MTMR12: variants seen among roughly 807,000 people sequenced by gnomAD.
The protein encoded by MTMR12 is myotubularin-related protein 12.
In MTMR12, 33 loss-of-function variants were observed where a neutral mutation model predicts 96.7. The ratio of observed to expected loss-of-function variants is 0.34; its 90% CI spans 0.26 to 0.46. The LOEUF is 0.46. Among genes scored for constraint, MTMR12 ranks in the 20% least tolerant of loss-of-function variants. MTMR12 has a pLI of 1.00. For synonymous variants in MTMR12, 298 were observed against 327.2 expected (o/e 0.91, Z 0.96); for missense variants, 721 against 896.1 (o/e 0.80, Z 2.49).
intron 8 of MTMR12, among the ~76,000 whole-genome samples, chr5:32,254,901 G>C (rs1476006664): frequency 2.0e-5 from 3 of 152,142 alleles, no homozygotes; most frequent in African/African-American, 7.2e-5. Flanking sequence ...GGCTTCTCCT[G>C]AAAAATCAGG....
intron 13 of MTMR12, among the ~76,000 whole-genome samples, chr5:32,235,541 T>C (rs575670737): frequency 6.6e-6 from 1 of 152,322 alleles, no homozygotes; most frequent in Admixed American, 6.5e-5. Flanking sequence ...ACTTTGAATT[T>C]TGTCAATGAA....
At chr5:32,239,881 C>A (rs1034400185) in intron 12 of MTMR12, among the ~76,000 whole-genome samples, 1 of 152,212 alleles carries the variant, frequency 6.6e-6, no homozygotes, top group Non-Finnish European at 1.5e-5. Context: ...TTCCAAAACT[C>A]ATTTGATGAA....
intron 5 of MTMR12, among the ~76,000 whole-genome samples, chr5:32,269,181 C>T (rs1749729902): frequency 6.6e-6 from 1 of 152,054 alleles, no homozygotes; most frequent in East Asian, 1.9e-4. Flanking sequence ...CCTGCATCAT[C>T]ACGCCTGACT....
At chr5:32,257,014 T>C (rs2112042924) in intron 7 of MTMR12, among the ~76,000 whole-genome samples, 3 of 152,340 alleles carry the variant, frequency 2.0e-5, no homozygotes, top group Admixed American at 2.0e-4. Flanking sequence ...CTGGACGCAG[T>C]GGCTCACACC....
In MTMR12 at chr5:32,264,182, TAGC is replaced by T. The variant is rs532293556; in HGVS notation, c.584-943_584-941del. 1.3e-3 allele frequency among the ~76,000 whole-genome samples: 196 copies of T among 152,326 alleles called. 2 individuals are homozygous for T. The highest frequency in any genetic ancestry group is 4.2e-3 in the African/African-American group (175 of 41,580). On this transcript the variant is annotated intron_variant, in intron 6 of 15. Transcript: ENST00000382142. ...GCCCTGGAGCACCGCTCTTGCAGCC[TAGC>T]AGATGTGTCCTTGGTCTTCTCCCAA...
At chr5:32,281,257 A>AC (rs1750281778) in intron 1 of MTMR12, among the ~76,000 whole-genome samples, 1 of 149,852 alleles carries the variant, frequency 6.7e-6, no homozygotes, top group African/African-American at 2.5e-5. Flanking sequence ...TTAAAAAAAA[A>AC]AAAAAAACAA....
At chr5:32,254,593 A>G (rs1036238782) in intron 8 of MTMR12, among the ~76,000 whole-genome samples, 14 of 152,266 alleles carry the variant, frequency 9.2e-5, no homozygotes, top group African/African-American at 2.9e-4. Flanking sequence ...GGTGGCTCTC[A>G]ACACTTTGGG....
At chr5:32,242,749 A>C (rs1310850531) in intron 11 of MTMR12, among the ~76,000 whole-genome samples, 1 of 151,726 alleles carries the variant, frequency 6.6e-6, no homozygotes, top group African/African-American at 2.4e-5. Context: ...CACCCCACAC[A>C]AAGAAGGGTT....
intron 1 of MTMR12, among the ~76,000 whole-genome samples, chr5:32,306,404 A>G (rs1262398886): frequency 6.6e-6 from 1 of 152,134 alleles, no homozygotes; most frequent in African/African-American, 2.4e-5. Flanking sequence ...ATTCATTTTC[A>G]TTTTGTATAT....
chr5:32,295,987 C>T (rs1179553867), intron 1 of MTMR12, among the ~76,000 whole-genome samples: 2 of 151,878 alleles, frequency 1.3e-5, no homozygotes, highest in Non-Finnish European at 2.9e-5. Flanking sequence ...AACCCCATCT[C>T]TACTAAAAAT....
intron 1 of MTMR12, among the ~76,000 whole-genome samples, chr5:32,307,864 C>T (rs1194358544): frequency 6.6e-6 from 1 of 152,236 alleles, no homozygotes; most frequent in Admixed American, 6.5e-5. Context: ...ATACTGAAGG[C>T]CACCACTGCT....
intron 1 of MTMR12, among the ~76,000 whole-genome samples, chr5:32,310,136 C>G (rs763612451): frequency 1.3e-5 from 2 of 152,136 alleles, no homozygotes; most frequent in Non-Finnish European, 2.9e-5. Flanking sequence ...GCAAAGACAG[C>G]AAGACATCAC....
intron 7 of MTMR12, among the ~76,000 whole-genome samples, chr5:32,261,255 A>G: frequency 6.6e-6 from 1 of 151,978 alleles, no homozygotes; most frequent in South Asian, 2.1e-4. Context: ...AGGTCAGATC[A>G]TGTCTGCTTC....
intron 13 of MTMR12, among the ~76,000 whole-genome samples, chr5:32,236,480 G>T (rs1440982522): frequency 3.9e-5 from 6 of 152,174 alleles, no homozygotes; most frequent in Admixed American, 3.9e-4. Flanking sequence ...CCAGGGGGTT[G>T]AAACTGCAGT....
chr5:32,271,342 G>A (rs550676888), intron 4 of MTMR12, among the ~76,000 whole-genome samples: 1 of 152,336 alleles, frequency 6.6e-6, no homozygotes, highest in Middle Eastern at 3.4e-3. Context: ...TACTGTCCCA[G>A]AATGTGGACC....
intron 13 of MTMR12, 128 bp downstream of exon 13, chr5:32,238,873 T>C: frequency 1.9e-6 from 2 of 1,076,322 alleles, no homozygotes; most frequent in Admixed American, 3.7e-5. Flanking sequence ...ACGATCCTAG[T>C]TTTCTTAACA....
intron 1 of MTMR12, among the ~76,000 whole-genome samples, chr5:32,281,831 T>A (rs966187879): frequency 6.8e-6 from 1 of 147,290 alleles, no homozygotes; most frequent in African/African-American, 2.5e-5. Context: ...ACCTGGGAGG[T>A]GGAGGCTGCA....
At chr5:32,246,683 A>G (rs1748705007) in intron 10 of MTMR12, among the ~76,000 whole-genome samples, 1 of 152,180 alleles carries the variant, frequency 6.6e-6, no homozygotes, top group East Asian at 1.9e-4. Context: ...CCATTTGTAA[A>G]CTGCTGATTT....
chr5:32,294,556 C>G (rs534067885), intron 1 of MTMR12, among the ~76,000 whole-genome samples: 2 of 152,192 alleles, frequency 1.3e-5, no homozygotes, highest in East Asian at 3.9e-4. Context: ...CCACCTTGGC[C>G]TCCCAAAGTG....
Sources: allele counts gnomAD v4.1 joint callset (sites outside exome capture counted in the v4.1 genomes callset), GRCh38; gene constraint gnomAD v4.1.1; transcripts MANE v1.5; gene names NCBI Gene and HGNC (gene_info 2026-07-23, HGNC 2026-07-21).